Variants in EPSTI1 observed in about 807,000 individuals in gnomAD.
EPSTI1 encodes the protein epithelial stromal interaction 1.
Under a neutral mutation model 49.9 loss-of-function variants are expected in EPSTI1, and 66 were observed. The ratio of observed to expected loss-of-function variants is 1.32; its 90% CI spans 1.08 to 1.62. The LOEUF (loss-of-function observed/expected upper bound fraction) is 1.62, where lower values mean the gene tolerates loss of function less well. Among genes scored for constraint, EPSTI1 ranks in the 40% most tolerant of loss-of-function variants. The pLI is 0.00. For missense variants in EPSTI1, 394 were observed against 365.5 expected (o/e 1.08, Z -0.64); for synonymous variants, 137 against 130.7 (o/e 1.05, Z -0.33).
intron 8 of EPSTI1, among the ~76,000 whole-genome samples, chr13:42,913,337 T>C (rs1265404393): frequency 6.6e-6 from 1 of 152,032 alleles, no homozygotes; most frequent in Non-Finnish European, 1.5e-5. Context: ...ACAGAGATGT[T>C]AAAATTAAAT....
chr13:42,964,542 C>T (rs1229510386), intron 3 of EPSTI1, among the ~76,000 whole-genome samples: 2 of 152,168 alleles, frequency 1.3e-5, no homozygotes, highest in African/African-American at 4.8e-5. Flanking sequence ...ATCAAAGGTG[C>T]TTCTATTGCT....
chr13:42,895,443 G>A (rs944301832), intron 9 of EPSTI1, among the ~76,000 whole-genome samples: 1 of 152,172 alleles, frequency 6.6e-6, no homozygotes, highest in African/African-American at 2.4e-5. Context: ...TCAGAGGCTG[G>A]AGAGAGAAAG....
chr13:42,900,551 C>G (rs559542680), intron 8 of EPSTI1, among the ~76,000 whole-genome samples, 168 bp from the exon 9 acceptor site: 256 of 151,804 alleles, frequency 1.7e-3, no homozygotes, highest in Non-Finnish European at 3.5e-3. Flanking sequence ...ACGTAGGTAG[C>G]AAATAACTGT....
chr13:42,947,103 C>CT (rs1377429664), intron 6 of EPSTI1, among the ~76,000 whole-genome samples: 1 of 152,164 alleles, frequency 6.6e-6, no homozygotes, highest in African/African-American at 2.4e-5. Flanking sequence ...GGCATAGACT[C>CT]TTTCCACTTC....
chr13:42,949,365 G>A (rs1314259899), intron 6 of EPSTI1, among the ~76,000 whole-genome samples: 2 of 152,116 alleles, frequency 1.3e-5, no homozygotes, highest in Non-Finnish European at 2.9e-5. Flanking sequence ...CGAGGCAGGT[G>A]GATCACATGA....
At chr13:42,897,155 G>A (rs1035823681) in intron 9 of EPSTI1, among the ~76,000 whole-genome samples, 2 of 150,466 alleles carry the variant, frequency 1.3e-5, no homozygotes, top group African/African-American at 4.9e-5. Flanking sequence ...AAGCTCATTT[G>A]TACTTTAGAG....
chr13:42,897,164 A>C (rs572088324), intron 9 of EPSTI1, among the ~76,000 whole-genome samples: 2 of 151,396 alleles, frequency 1.3e-5, no homozygotes, highest in Admixed American at 1.3e-4. Flanking sequence ...TGTACTTTAG[A>C]GCCTCTGCAC....
At chr13:42,991,894 A>T in intron 1 of EPSTI1, 84 bp downstream of exon 1, 1 of 1,507,836 alleles carries the variant, frequency 6.6e-7, no homozygotes, top group Non-Finnish European at 9.1e-7. Flanking sequence ...CTGTGGTTTT[A>T]AACTCCAAGG....
intron 7 of EPSTI1, among the ~76,000 whole-genome samples, chr13:42,921,259 A>G (rs2037983934): frequency 6.6e-6 from 1 of 152,188 alleles, no homozygotes; most frequent in Non-Finnish European, 1.5e-5. Context: ...AAACAGAGAA[A>G]ATCCTTCATA....
At chr13:42,956,010 A>G (rs956831780) in intron 5 of EPSTI1, among the ~76,000 whole-genome samples, 1 of 152,170 alleles carries the variant, frequency 6.6e-6, no homozygotes, top group Admixed American at 6.5e-5. Flanking sequence ...ACGAACAGAG[A>G]AGTGCCCATT....
chr13:42,965,508 T>C (rs1408390368), intron 3 of EPSTI1, among the ~76,000 whole-genome samples: 1 of 152,086 alleles, frequency 6.6e-6, no homozygotes, highest in African/African-American at 2.4e-5. Context: ...AAACCTACCT[T>C]GGGGAACCTT....
chr13:42,916,347 T>C (rs538087531), intron 8 of EPSTI1, among the ~76,000 whole-genome samples: 4 of 151,812 alleles, frequency 2.6e-5, no homozygotes, highest in Non-Finnish European at 4.4e-5. Context: ...AATAAGTAAA[T>C]TTACAACTCG....
intron 10 of EPSTI1, among the ~76,000 whole-genome samples, chr13:42,892,423 G>C (rs1010569790): frequency 6.6e-6 from 1 of 152,224 alleles, no homozygotes; most frequent in African/African-American, 2.4e-5. Flanking sequence ...AGGGTGGTGA[G>C]AAGCTGTTGG....
At chr13:42,939,085 G>A (rs9590726) in intron 6 of EPSTI1, among the ~76,000 whole-genome samples, 4,526 of 152,074 alleles carry the variant, frequency 0.03, 90 homozygotes, top group Non-Finnish European at 0.046. Context: ...ACCTCTGCTA[G>A]TTTCTAACTT....
intron 4 of EPSTI1, 63 bp downstream of exon 4, chr13:42,964,003 T>C (rs1234654925): frequency 3.6e-6 from 5 of 1,378,816 alleles, no homozygotes; most frequent in Non-Finnish European, 5.0e-6. Context: ...ATTTCACAGT[T>C]ACTTGTAAGA....
At chr13:42,945,965 A>G (rs2038905595) in intron 6 of EPSTI1, among the ~76,000 whole-genome samples, 1 of 152,226 alleles carries the variant, frequency 6.6e-6, no homozygotes, top group South Asian at 2.1e-4. Context: ...TTAGCATAAG[A>G]TAGAAAGTTA....
intron 1 of EPSTI1, among the ~76,000 whole-genome samples, chr13:42,983,823 C>T (rs577055161): frequency 6.6e-6 from 1 of 152,246 alleles, no homozygotes; most frequent in African/African-American, 2.4e-5. Flanking sequence ...ACCTGACATA[C>T]TTAACACAAG....
intron 1 of EPSTI1, among the ~76,000 whole-genome samples, chr13:42,976,047 T>C (rs984198192): frequency 6.6e-6 from 1 of 152,232 alleles, no homozygotes; most frequent in Non-Finnish European, 1.5e-5. Flanking sequence ...GGTCTGGGAT[T>C]TGATTGGATT....
At chr13:42,959,909 T>C (rs1330469334) in intron 5 of EPSTI1, among the ~76,000 whole-genome samples, 2 of 152,340 alleles carry the variant, frequency 1.3e-5, no homozygotes, top group East Asian at 3.9e-4. Context: ...ATACTGAATA[T>C]GTAAGACTAT....
Sources: allele counts gnomAD v4.1 joint callset (sites outside exome capture counted in the v4.1 genomes callset), GRCh38; gene constraint gnomAD v4.1.1; transcripts MANE v1.5; gene names NCBI Gene and HGNC (gene_info 2026-07-23, HGNC 2026-07-21).